The following GRHL2 variants were observed in gnomAD, a reference collection of about 807,000 sequenced individuals.
GRHL2 encodes grainyhead-like protein 2 homolog.
GRHL2 carries 21 observed loss-of-function variants against 83.8 expected under a neutral mutation model. The ratio of observed to expected loss-of-function variants is 0.25; its 90% CI spans 0.18 to 0.36. GRHL2 has a LOEUF of 0.36. Ranked by LOEUF, GRHL2 falls within the 10% of genes least tolerant of loss-of-function variation. The probability of loss-of-function intolerance (pLI) is 1.00; values close to 1 mark genes in which losing one functional copy is unlikely to be tolerated. For synonymous variants in GRHL2, 280 were observed against 278.9 expected, an observed-to-expected ratio of 1.00 and a Z score of -0.04; for missense variants, 623 against 781.8, an observed-to-expected ratio of 0.80 and a Z score of 2.42.
rs754764383 is a variant in GRHL2 at position 101,669,339 on chromosome 8, GTGTT to G, written c.*2642_*2645del. On this transcript the variant is annotated 3_prime_UTR_variant, in exon 16 of 16. Transcript: ENST00000646743. ...CAAATTGTTTAAACTTACTTTATGA[GTGTT>G]TGTTTAGAAGTTCGGACCAACAGAA... is the stretch of plus-strand genomic sequence containing the variant. The G allele has an allele frequency of 6.4e-5, 9 of 141,160 alleles. No individual in the cohort carries two copies. Among genetic ancestry groups the G allele is most frequent in the Non-Finnish European group, 1.2e-4 (8 of 66,016 alleles). 8.7% of individuals were successfully genotyped at this position (141,160 alleles called of 1,614,324 possible). A position where few individuals can be genotyped will look rare whatever the true frequency, so the allele number is the denominator to read the frequency against.
At chr8:101,553,858 C>A (rs1480569599) in intron 3 of GRHL2, among the ~76,000 whole-genome samples, 2 of 152,064 alleles carry the variant, frequency 1.3e-5, no homozygotes, top group Non-Finnish European at 2.9e-5. Flanking sequence ...TATCTCCTGA[C>A]CTTGTGATCT....
At chr8:101,603,549 C>T (rs1357177798) in intron 8 of GRHL2, among the ~76,000 whole-genome samples, 3 of 152,144 alleles carry the variant, frequency 2.0e-5, no homozygotes, top group Admixed American at 6.5e-5. Flanking sequence ...TATAGGAAAA[C>T]GTTTGGCCAG....
At chr8:101,674,272 G>C (rs1420681382), downstream of GRHL2, among the ~76,000 whole-genome samples, 1 of 152,064 alleles carries the variant, frequency 6.6e-6, no homozygotes, top group East Asian at 1.9e-4. Flanking sequence ...TCCAGGAGCT[G>C]GTCTTTTGAA....
intron 8 of GRHL2, among the ~76,000 whole-genome samples, chr8:101,600,116 A>G (rs1466159985): frequency 6.6e-6 from 1 of 152,216 alleles, no homozygotes; most frequent in African/African-American, 2.4e-5. Flanking sequence ...GTTTGCAGGC[A>G]CGGCCACAGA....
chr8:101,551,882 C>G (rs1276400415), intron 2 of GRHL2, among the ~76,000 whole-genome samples: 2 of 150,478 alleles, frequency 1.3e-5, no homozygotes, highest in African/African-American at 2.4e-5. Flanking sequence ...GTCGCCCAGG[C>G]TAGAGTGCAG....
intron 1 of GRHL2, among the ~76,000 whole-genome samples, chr8:101,495,622 T>C (rs927279345): frequency 4.6e-5 from 7 of 152,204 alleles, no homozygotes; most frequent in African/African-American, 1.4e-4. Flanking sequence ...GTAGGTACTA[T>C]GTGATTTGAT....
intron 1 of GRHL2, among the ~76,000 whole-genome samples, chr8:101,511,882 T>A (rs997335577): frequency 2.6e-5 from 4 of 152,214 alleles, no homozygotes; most frequent in Admixed American, 2.0e-4. Context: ...GGTCTTTACA[T>A]AATTGTTTTT....
At chr8:101,644,489 G>A (rs934436109) in intron 13 of GRHL2, among the ~76,000 whole-genome samples, 2 of 152,214 alleles carry the variant, frequency 1.3e-5, no homozygotes, top group Admixed American at 6.5e-5. Flanking sequence ...CAGCAGCAAG[G>A]TACAAGGTTA....
chr8:101,547,141 A>C (rs1185285627), intron 2 of GRHL2, among the ~76,000 whole-genome samples: 3 of 152,200 alleles, frequency 2.0e-5, no homozygotes, highest in Non-Finnish European at 4.4e-5. Flanking sequence ...CAGCTTATAT[A>C]TGTTGGTGTT....
chr8:101,646,028 C>T (rs1476807177), intron 13 of GRHL2, among the ~76,000 whole-genome samples: 1 of 152,062 alleles, frequency 6.6e-6, no homozygotes, highest in East Asian at 1.9e-4. Flanking sequence ...CACATGCCAC[C>T]ATGCCTGGCT....
At chr8:101,677,073 AG>A in the GRHL2 span, among the ~76,000 whole-genome samples, 1 of 150,662 alleles carries the variant, frequency 6.6e-6, no homozygotes, top group East Asian at 2.0e-4. Context: ...GGGTGGGGTG[AG>A]GGGGGGATAG....
intron 14 of GRHL2, among the ~76,000 whole-genome samples, chr8:101,650,534 T>C (rs1006062959): frequency 1.3e-5 from 2 of 152,158 alleles, no homozygotes; most frequent in African/African-American, 4.8e-5. Flanking sequence ...TGTTCCAAGG[T>C]GTGGAATTGC....
chr8:101,680,623 AT>A, the GRHL2 span, among the ~76,000 whole-genome samples: 1 of 123,222 alleles, frequency 8.1e-6, no homozygotes, highest in Non-Finnish European at 1.7e-5. Context: ...CAGAATATAC[AT>A]TTTTTTCAGC....
At chr8:101,663,635 A>AATAAATAAATT (rs1554598243) in intron 14 of GRHL2, among the ~76,000 whole-genome samples, 4 of 151,324 alleles carry the variant, frequency 2.6e-5, no homozygotes, top group African/African-American at 9.7e-5. Context: ...ATAAATAAAT[A>AATAAATAAATT]AATAAATAAA....
At chr8:101,514,164 C>A (rs1483041743) in intron 1 of GRHL2, among the ~76,000 whole-genome samples, 1 of 152,136 alleles carries the variant, frequency 6.6e-6, no homozygotes, top group East Asian at 1.9e-4. Flanking sequence ...CATGCTCATA[C>A]CCATATGTGC....
intron 7 of GRHL2, among the ~76,000 whole-genome samples, chr8:101,581,829 G>A (rs1249121383): frequency 6.6e-6 from 1 of 152,176 alleles, no homozygotes; most frequent in African/African-American, 2.4e-5. Context: ...GCTTCCCAGA[G>A]AAGTTTCTGA....
intron 4 of GRHL2, among the ~76,000 whole-genome samples, chr8:101,566,903 A>G (rs2130205525): frequency 6.6e-6 from 1 of 152,254 alleles, no homozygotes; most frequent in Non-Finnish European, 1.5e-5. Context: ...AAGCTTCATG[A>G]GAGCAGGGAC....
At chr8:101,562,222 T>C (rs1811621132) in intron 4 of GRHL2, 1 of 607,770 alleles carries the variant, frequency 1.6e-6, no homozygotes, top group Non-Finnish European at 3.1e-6. Flanking sequence ...ATTGAATCAA[T>C]ACTTTTATTC....
At chr8:101,526,407 T>C (rs1469911783) in intron 1 of GRHL2, among the ~76,000 whole-genome samples, 2 of 152,218 alleles carry the variant, frequency 1.3e-5, no homozygotes, top group Non-Finnish European at 2.9e-5. Context: ...TTTCCAAATG[T>C]TAATGTGCTT....
Sources: gnomAD v4.1 joint callset for allele counts (sites outside exome capture counted in the v4.1 genomes callset) on GRCh38, gnomAD v4.1.1 for gene constraint, MANE v1.5 for transcripts, NCBI Gene and HGNC (gene_info 2026-07-23, HGNC 2026-07-21) for gene names.